Variants in GNMT observed in about 807,000 individuals in gnomAD.
GNMT encodes epididymis secretory sperm binding protein Li 182mP.
In GNMT, 26 loss-of-function variants were observed where a neutral mutation model predicts 30.2. The observed-to-expected ratio is 0.86, with a 90% CI of 0.63 to 1.19. The LOEUF (loss-of-function observed/expected upper bound fraction) is 1.19, where lower values mean the gene tolerates loss of function less well. Ranked by LOEUF, GNMT falls within the 50% of genes most tolerant of loss-of-function variation. The probability of loss-of-function intolerance (pLI) is 0.00; values close to 1 mark genes in which losing one functional copy is unlikely to be tolerated. For synonymous variants in GNMT, 163 were observed against 163.8 expected (o/e 1.00, Z 0.04); for missense variants, 365 against 398.1 (o/e 0.92, Z 0.71).
rs778530842 is a variant in GNMT at position 42,963,467 on chromosome 6, G to A, written c.716+18G>A. The A allele has an allele frequency of 4.4e-5, 58 of 1,329,710 alleles. No homozygotes were observed. Among genetic ancestry groups the A allele is most frequent in the Non-Finnish European group, 6.1e-6 (6 of 990,518 alleles). The allele number at this position is 1,329,710 out of a possible 1,614,324, so 82.4% of individuals were successfully genotyped here. Reference sequence around the variant, plus strand: ...GGCTTGAGGTACCACTTGGCTTAGTGGGGGTGAGGCGGTAGTTGGGGGAGC... The same window carrying A: ...GGCTTGAGGTACCACTTGGCTTAGTAGGGGTGAGGCGGTAGTTGGGGGAGC... On this transcript the variant is annotated intron_variant, in intron 5 of 5. Coordinates refer to ENST00000372808, the MANE Select transcript of GNMT (RefSeq NM_018960.6).
intron 3 of GNMT, 46 bp downstream of exon 3, chr6:42,962,924 C>A: frequency 6.3e-7 from 1 of 1,576,224 alleles, no homozygotes. Context: ...CTTGAGGCCC[C>A]CTTCCACAGA....
intron 1 of GNMT, 113 bp from the exon 2 acceptor site, chr6:42,962,099 G>A: frequency 2.4e-6 from 3 of 1,228,228 alleles, no homozygotes; most frequent in Non-Finnish European, 3.6e-6. Context: ...AGAGGAGGCA[G>A]AGGAACGGAC....
At position 42,963,184 on chromosome 6, in the gene GNMT, T is replaced by C. The variant is rs1769517271; in HGVS notation, c.564T>C (p.Cys188=). 1 of 1,484,292 alleles carries C rather than the reference T, an allele frequency of 6.7e-7. No individual in the cohort carries two copies. Among genetic ancestry groups the C allele is most frequent in the Admixed American group, 1.9e-5 (1 of 52,912 alleles). The allele number at this position is 1,484,292 out of a possible 1,614,324, so 91.9% of individuals were successfully genotyped here. Residue 188 remains cysteine, a synonymous_variant, in exon 4 of 6, where the codon TGT becomes TGC. Coordinates refer to ENST00000372808, the MANE Select transcript of GNMT (RefSeq NM_018960.6). ...ACGACCACATCCTCAGTACAGGCTG[T>C]GCACCCCCAGGGAAGAACATCTACT... is the stretch of plus-strand genomic sequence containing the variant. ...RNYDHILSTG[C]APPGKNIYYK... is the part of the protein sequence containing the mutation.
At chr6:42,962,071 A>G (rs1179841035) in intron 1 of GNMT, 141 bp from the exon 2 acceptor site, 5 of 935,262 alleles carry the variant, frequency 5.3e-6, no homozygotes, top group Non-Finnish European at 8.4e-6. Flanking sequence ...TTGTGAGGTC[A>G]GTGGAGAGGG....
Position 42,960,849 on chromosome 6 carries a change from G to T in GNMT, c.82G>T (p.Ala28Ser). The change falls in exon 1 of 6, where the codon GCG becomes TCG. Residue 28 changes from alanine to serine, a missense_variant. Transcript: ENST00000372808. ...LPDQYADGEA[A>S]RVWQLYIGDT... Reference sequence around the variant, plus strand: ...GGACCAGTACGCGGACGGGGAGGCGGCGCGCGTGTGGCAGCTGTATATCGG... The same window carrying T: ...GGACCAGTACGCGGACGGGGAGGCGTCGCGCGTGTGGCAGCTGTATATCGG... 1 of 1,555,842 alleles carries T rather than the reference G, an allele frequency of 6.4e-7. No individual in the cohort carries two copies. Among genetic ancestry groups the T allele is most frequent in the Non-Finnish European group, 8.7e-7 (1 of 1,153,140 alleles).
chr6:42,962,412 A>C lies in GNMT; in HGVS notation c.334+73A>C. On this transcript the variant is annotated intron_variant, in intron 2 of 5. Transcript: ENST00000372808. ...GTTCATTCTGCCTGGGGCTCCTTTA[A>C]GTGGGGGCGGGGGTGGAGTGTTGTG... 9.9e-6 allele frequency: 15 copies of C among 1,515,714 alleles called. No homozygotes were observed. The South Asian group carries it at 1.7e-4, about 17-fold the overall frequency. 93.9% of individuals were successfully genotyped at this position (1,515,714 alleles called of 1,614,324 possible). A position where few individuals can be genotyped will look rare whatever the true frequency, so the allele number is the denominator to read the frequency against.
chr6:42,963,521 G>A lies in GNMT; in HGVS notation c.717-14G>A. The A allele has an allele frequency of 6.2e-7, 1 of 1,613,832 alleles. No homozygotes were observed. Among genetic ancestry groups the A allele is most frequent in the Non-Finnish European group, 8.5e-7 (1 of 1,179,814 alleles). Reference sequence around the variant, plus strand: ...GGTCACCAGTCCTCATGGTTGCTGGGGCCTCTGTTACAGTAAGTTCCGGCT... The same window carrying A: ...GGTCACCAGTCCTCATGGTTGCTGGAGCCTCTGTTACAGTAAGTTCCGGCT... On this transcript the variant is annotated splice_polypyrimidine_tract_variant and intron_variant, in intron 5 of 5. Coordinates refer to ENST00000372808, the MANE Select transcript of GNMT (RefSeq NM_018960.6).
intron 1 of GNMT, among the ~76,000 whole-genome samples, chr6:42,961,356 CCCAGTG>C (rs1561814654): frequency 6.6e-6 from 1 of 152,086 alleles, no homozygotes; most frequent in African/African-American, 2.4e-5. Flanking sequence ...ACCTGCCAAG[CCCAGTG>C]CCAGGAGCTT....
At position 42,960,821 on chromosome 6, in the gene GNMT, C is replaced by T. The variant is rs758753432; in HGVS notation, c.54C>T (p.Leu18=). 2.6e-6 allele frequency: 4 copies of T among 1,559,518 alleles called. No homozygotes were observed. The highest frequency in any genetic ancestry group is 2.6e-6 in the Non-Finnish European group (3 of 1,154,928). ...TRSLGVAAEG[L]PDQYADGEAA... is the part of the protein sequence containing the mutation. Reference sequence around the variant, plus strand: ...CCCTGGGGGTGGCGGCCGAAGGGCTCCCGGACCAGTACGCGGACGGGGAGG... The same window carrying T: ...CCCTGGGGGTGGCGGCCGAAGGGCTTCCGGACCAGTACGCGGACGGGGAGG... The change falls in exon 1 of 6, where the codon CTC becomes CTT. Residue 18 remains leucine, a synonymous_variant. Transcript: ENST00000372808.
chr6:42,961,101 C>T (rs566289268), intron 1 of GNMT, 128 bp downstream of exon 1: 13 of 776,502 alleles, frequency 1.7e-5, no homozygotes, highest in Non-Finnish European at 2.4e-5. Context: ...ACGGGTGGGA[C>T]ACCAGGGCCA....
chr6:42,962,191 C>T, intron 1 of GNMT, 21 bp from the exon 2 acceptor site: 2 of 1,614,066 alleles, frequency 1.2e-6, no homozygotes, highest in East Asian at 2.2e-5. Flanking sequence ...CTCTCTGCCT[C>T]TCCTCGCTGG....
Position 42,963,367 on chromosome 6 carries a change from G to A in GNMT, c.634G>A (p.Val212Met), listed in dbSNP as rs200542100. The change falls in exon 5 of 6, where the codon GTG (valine) becomes ATG (methionine). Residue 212 changes from valine (V) to methionine (M), a missense_variant. Coordinates refer to ENST00000372808, the MANE Select transcript of GNMT (RefSeq NM_018960.6). ...TKDVTTSVLI[V>M]NNKAHMVTLD... ...GGACGTCACAACATCAGTGCTGATA[G>A]TGAACAACAAGGCCCACATGGTGAC... 6.2e-7 allele frequency: 1 copy of A among 1,613,578 alleles called. No homozygotes were observed. The highest frequency in any genetic ancestry group is 1.1e-5 in the South Asian group (1 of 90,998).
At position 42,960,937 on chromosome 6, in the gene GNMT, G is replaced by T; in HGVS notation, c.170G>T (p.Gly57Val). Residue 57 changes from glycine (G) to valine (V), a missense_variant, in exon 1 of 6, where the codon GGC becomes GTC. By Grantham distance (109) the Gly-to-Val change is moderately radical. Around this residue, in one of 3 missense-constraint regions of GNMT, gnomAD observed 125 missense variants for 112.0 expected, o/e 1.12. Transcript: ENST00000372808. ...CTGCTTGGGCTGCTGCGCCAGCACG[G>T]CTGCCAGCGGGTGCTCGACGTAGCC... is the stretch of plus-strand genomic sequence containing the variant. Reference protein sequence around the residue: ...AWLLGLLRQHGCQRVLDVACG... With the variant: ...AWLLGLLRQHVCQRVLDVACG... The T allele has an allele frequency of 1.3e-6, 2 of 1,564,514 alleles. No individual in the cohort carries two copies. Among genetic ancestry groups the T allele is most frequent in the East Asian group, 2.3e-5 (1 of 42,730 alleles).
At chr6:42,961,754 C>T (rs1382314602) in intron 1 of GNMT, among the ~76,000 whole-genome samples, 1 of 151,970 alleles carries the variant, frequency 6.6e-6, no homozygotes, top group Non-Finnish European at 1.5e-5. Flanking sequence ...GGGGTTTCGC[C>T]GTGTTAGCCA....
rs1475139536 is a variant in GNMT at position 42,963,469 on chromosome 6, G to A, written c.716+20G>A. The A allele has an allele frequency of 1.2e-6, 2 of 1,613,780 alleles. No homozygotes were observed. Among genetic ancestry groups the A allele is most frequent in the South Asian group, 1.1e-5 (1 of 91,056 alleles). On this transcript the variant is annotated intron_variant, in intron 5 of 5. Transcript: ENST00000372808. ...CTTGAGGTACCACTTGGCTTAGTGGGGGTGAGGCGGTAGTTGGGGGAGCTG... is the reference window on the plus strand; with the variant it reads ...CTTGAGGTACCACTTGGCTTAGTGGAGGTGAGGCGGTAGTTGGGGGAGCTG...
chr6:42,961,550 CTTTTTTTTT>C lies in GNMT; in HGVS notation c.206+590_206+598del, dbSNP rs575786265. Among the ~76,000 whole-genome samples the C allele has an allele frequency of 7.2e-3, 934 of 130,620 alleles. 12 individuals are homozygous for C. Among genetic ancestry groups the C allele is most frequent in the African/African-American group, 0.024 (860 of 35,650 alleles). The allele number at this position is 130,620 out of a possible 152,430, so 85.7% of individuals were successfully genotyped here. A position where few individuals can be genotyped will look rare whatever the true frequency, so the allele number is the denominator to read the frequency against. On this transcript the variant is annotated intron_variant, in intron 1 of 5. Transcript: ENST00000372808. Reference sequence around the variant, plus strand: ...GATCTGTCCTGTGCTCTATTTTTCTCTTTTTTTTTTTTTTTTTTTTTGAGATGAAGTCGT... The same window carrying C: ...GATCTGTCCTGTGCTCTATTTTTCTCTTTTTTTTTTTTGAGATGAAGTCGT...
chr6:42,963,242 G>A (rs1487161797), intron 4 of GNMT, 28 bp downstream of exon 4: 4 of 924,984 alleles, frequency 4.3e-6, no homozygotes, highest in African/African-American at 1.8e-5. Context: ...GGGGGTGGGG[G>A]TGGGGGTGGG....
chr6:42,961,198 G>A (rs1319324616), intron 1 of GNMT, among the ~76,000 whole-genome samples: 1 of 152,202 alleles, frequency 6.6e-6, no homozygotes, highest in African/African-American at 2.4e-5. Context: ...GAGAGGCCCC[G>A]GAGAAGGGAG....
rs1323596765 is a variant in GNMT at position 42,963,754 on chromosome 6, T to C, written c.*48T>C. On this transcript the variant is annotated 3_prime_UTR_variant, in exon 6 of 6. Coordinates refer to ENST00000372808, the MANE Select transcript of GNMT (RefSeq NM_018960.6). ...CCTCTGCCCAGGCACTGCTAGGCTC[T>C]GTCTGGAAGATGGGGACCAGCAGCC... The C allele has an allele frequency of 8.2e-6, 13 of 1,584,328 alleles. No individual in the cohort carries two copies. Among genetic ancestry groups the C allele is most frequent in the Non-Finnish European group, 1.0e-5 (12 of 1,153,688 alleles).
Sources: allele counts gnomAD v4.1 joint callset (sites outside exome capture counted in the v4.1 genomes callset), GRCh38; gene constraint gnomAD v4.1.1; regional missense constraint gnomAD v4.1.1; transcripts MANE v1.5; gene names NCBI Gene and HGNC (gene_info 2026-07-23, HGNC 2026-07-21).